The following ISM1 variants were observed in gnomAD, a reference collection of about 807,000 sequenced individuals.
ISM1 encodes the protein isthmin-1.
ISM1 carries 25 observed loss-of-function variants against 46.3 expected under a neutral mutation model. The observed-to-expected ratio is 0.54, with a 90% confidence interval of 0.39 to 0.75. ISM1 has a LOEUF of 0.75. Among genes scored for constraint, ISM1 ranks in the 30% least tolerant of loss-of-function variants. ISM1 has a pLI of 0.00. For missense variants in ISM1, 536 were observed against 625.4 expected, an observed-to-expected ratio of 0.86 and a Z score of 1.52; for synonymous variants, 255 against 256.7, an observed-to-expected ratio of 0.99 and a Z score of 0.06.
At chr20:13,249,547 C>T (rs1028693460) in intron 1 of ISM1, among the ~76,000 whole-genome samples, 2 of 152,196 alleles carry the variant, frequency 1.3e-5, no homozygotes, top group African/African-American at 4.8e-5. Flanking sequence ...TTATACACCT[C>T]GGAAAATAAA....
chr20:13,221,494 C>T lies in ISM1; in HGVS notation c.-283C>T, dbSNP rs1182637044. On this transcript the variant is annotated 5_prime_UTR_variant, in exon 1 of 6. Transcript: ENST00000262487. Reference sequence around the variant, plus strand: ...CGCCGCCGCCGCCGCCAGGCAGCGCCGGGGCTTGCTCCGCAGCCGGCTTGG... The same window carrying T: ...CGCCGCCGCCGCCGCCAGGCAGCGCTGGGGCTTGCTCCGCAGCCGGCTTGG... Among the ~76,000 whole-genome samples, 12 of 143,830 alleles carry T rather than the reference C, an allele frequency of 8.3e-5. No homozygotes were observed. Among genetic ancestry groups the T allele is most frequent in the Admixed American group, 6.8e-4 (10 of 14,626 alleles). The allele number at this position is 143,830 out of a possible 152,430, so 94.4% of individuals were successfully genotyped here. A position where few individuals can be genotyped will look rare whatever the true frequency, so the allele number is the denominator to read the frequency against.
intron 1 of ISM1, among the ~76,000 whole-genome samples, chr20:13,248,845 C>T (rs911048136): frequency 6.6e-6 from 1 of 152,136 alleles, no homozygotes. Context: ...TCTGCAAAAC[C>T]GAGCACTGGC....
At position 13,279,623 on chromosome 20, in the gene ISM1, G is replaced by A; in HGVS notation, c.379-11G>A. ...CTCCACACTGACCCCAGCCTGTTCTGAATTCTTCAGGTCACCATAGAGGTG... is the reference window on the plus strand; with the variant it reads ...CTCCACACTGACCCCAGCCTGTTCTAAATTCTTCAGGTCACCATAGAGGTG... On this transcript the variant is annotated splice_polypyrimidine_tract_variant and intron_variant, in intron 2 of 5. Coordinates refer to ENST00000262487, the MANE Select transcript of ISM1 (RefSeq NM_080826.2). The A allele has an allele frequency of 3.7e-6, 6 of 1,608,780 alleles. No individual in the cohort carries two copies. The highest frequency in any genetic ancestry group is 5.1e-6 in the Non-Finnish European group (6 of 1,176,394).
chr20:13,258,922 T>C (rs1440906201), intron 1 of ISM1, among the ~76,000 whole-genome samples: 1 of 152,034 alleles, frequency 6.6e-6, no homozygotes, highest in Non-Finnish European at 1.5e-5. Context: ...AGGGGCCTCT[T>C]AAAGAAGGTG....
intron 3 of ISM1, among the ~76,000 whole-genome samples, chr20:13,280,540 C>T (rs2040228484): frequency 6.6e-6 from 1 of 152,184 alleles, no homozygotes; most frequent in Admixed American, 6.5e-5. Context: ...TAGGAGAACT[C>T]AGCTCCACTC....
intron 1 of ISM1, among the ~76,000 whole-genome samples, chr20:13,229,745 A>C (rs1460867398): frequency 6.6e-6 from 1 of 152,132 alleles, no homozygotes; most frequent in Non-Finnish European, 1.5e-5. Context: ...AGGGAAACTG[A>C]CTTTTTAGAG....
chr20:13,262,593 C>T (rs746589235), intron 1 of ISM1, among the ~76,000 whole-genome samples: 7 of 151,944 alleles, frequency 4.6e-5, no homozygotes, highest in African/African-American at 1.7e-4. Flanking sequence ...TAAAAGAAAT[C>T]GGTCCTGGAA....
chr20:13,242,621 G>A (rs1369021084), intron 1 of ISM1, among the ~76,000 whole-genome samples: 1 of 152,180 alleles, frequency 6.6e-6, no homozygotes, highest in Non-Finnish European at 1.5e-5. Context: ...GGGGAGCCAT[G>A]ATGGGAATGG....
the ISM1 span, among the ~76,000 whole-genome samples, chr20:13,316,343 T>C: frequency 1.3e-5 from 2 of 151,998 alleles, no homozygotes; most frequent in Admixed American, 1.3e-4. Context: ...GTAGGTTCAA[T>C]GTTGAATTAT....
chr20:13,298,466 G>T lies in ISM1; in HGVS notation c.878-476G>T, dbSNP rs188852290. On this transcript the variant is annotated intron_variant, in intron 5 of 5. Coordinates refer to ENST00000262487, the MANE Select transcript of ISM1 (RefSeq NM_080826.2). Reference sequence around the variant, plus strand: ...CAAATAATTCTGAATTCTTAAGTTTGTTAGGAGTGATAATCGGATCACGGT... The same window carrying T: ...CAAATAATTCTGAATTCTTAAGTTTTTTAGGAGTGATAATCGGATCACGGT... Among the ~76,000 whole-genome samples, 17 of 152,170 alleles carry T rather than the reference G, an allele frequency of 1.1e-4. 1 individual carries two copies. The highest frequency in any genetic ancestry group is 1.1e-3 in the Admixed American group (17 of 15,282).
chr20:13,296,350 G>A (rs2040406882), intron 5 of ISM1, among the ~76,000 whole-genome samples: 1 of 152,150 alleles, frequency 6.6e-6, no homozygotes. Flanking sequence ...AATGGGAGCT[G>A]GTGGATAAAA....
the ISM1 span, among the ~76,000 whole-genome samples, chr20:13,316,090 T>C: frequency 2.0e-5 from 3 of 151,908 alleles, no homozygotes; most frequent in African/African-American, 7.2e-5. Context: ...AAATTACTAA[T>C]ATCAGAAATG....
Position 13,222,035 on chromosome 20 carries a change from G to GT in ISM1, c.138+125dup. 3.1e-6 allele frequency: 3 copies of GT among 983,528 alleles called. No homozygotes were observed. The East Asian group carries it at 1.0e-4, about 33-fold the overall frequency. The allele number at this position is 983,528 out of a possible 1,614,324, so 60.9% of individuals were successfully genotyped here. A position where few individuals can be genotyped will look rare whatever the true frequency, so the allele number is the denominator to read the frequency against. On this transcript the variant is annotated intron_variant, in intron 1 of 5. Coordinates refer to ENST00000262487, the MANE Select transcript of ISM1 (RefSeq NM_080826.2). ...TCCCCTGCCCCACCTAAGAGCAACT[G>GT]TTTTGGCAGTAGTTTTGCCCGGGCC...
chr20:13,290,595 G>A (rs2040342318), intron 4 of ISM1, among the ~76,000 whole-genome samples: 2 of 152,090 alleles, frequency 1.3e-5, no homozygotes, highest in Non-Finnish European at 1.5e-5. Context: ...CTTGCAGTGA[G>A]CCAAGTGAGC....
the ISM1 span, among the ~76,000 whole-genome samples, chr20:13,321,736 C>T: frequency 6.6e-6 from 1 of 152,316 alleles, no homozygotes; most frequent in East Asian, 1.9e-4. Context: ...AACTATTTTT[C>T]ACATGTATGT....
chr20:13,318,727 G>A, the ISM1 span, among the ~76,000 whole-genome samples: 2 of 152,128 alleles, frequency 1.3e-5, no homozygotes, highest in East Asian at 1.9e-4. Flanking sequence ...CAAGCCATGA[G>A]AAAATATTTT....
At chr20:13,234,139 C>T (rs1443752901) in intron 1 of ISM1, among the ~76,000 whole-genome samples, 1 of 152,110 alleles carries the variant, frequency 6.6e-6, no homozygotes, top group Non-Finnish European at 1.5e-5. Context: ...CTTTTGGAGT[C>T]CCCAGTGTCT....
intron 1 of ISM1, among the ~76,000 whole-genome samples, chr20:13,247,517 G>GGTGT (rs35224672): frequency 0.012 from 1,736 of 139,856 alleles, 16 homozygotes; most frequent in East Asian, 0.024. Flanking sequence ...CAAAGTGAGG[G>GGTGT]GTGTGTGTGT....
chr20:13,275,749 G>A (rs545723431), intron 2 of ISM1, among the ~76,000 whole-genome samples: 93 of 152,320 alleles, frequency 6.1e-4, no homozygotes, highest in South Asian at 1.2e-3. Context: ...TTCCTAGAAC[G>A]GATAGATGCT....
Sources: gnomAD v4.1 joint callset for allele counts (sites outside exome capture counted in the v4.1 genomes callset) on GRCh38, gnomAD v4.1.1 for gene constraint, MANE v1.5 for transcripts, NCBI Gene and HGNC (gene_info 2026-07-23, HGNC 2026-07-21) for gene names.